The following CDH8 variants were observed in gnomAD, a reference collection of about 807,000 sequenced individuals.
The protein encoded by CDH8 is cadherin-8.
A neutral mutation model predicts 68.1 loss-of-function variants in CDH8; 17 were observed. The ratio of observed to expected loss-of-function variants is 0.25; its 90% confidence interval spans 0.17 to 0.37. The LOEUF is 0.37. Among genes scored for constraint, CDH8 ranks in the 10% least tolerant of loss-of-function variants. CDH8 has a pLI of 1.00. For missense variants in CDH8, 763 were observed against 999.3 expected (o/e 0.76, Z 3.19); for synonymous variants, 372 against 365.1 (o/e 1.02, Z -0.21).
rs34925928 is a variant in CDH8, at chr16:61,992,077, T to TGTGTGTGTGTGTGTGA, written c.252+29074_252+29075insTCACACACACACACAC. Among the ~76,000 whole-genome samples, 1,086 of 144,180 alleles carry TGTGTGTGTGTGTGTGA rather than the reference T, an allele frequency of 7.5e-3. 16 individuals are homozygous for TGTGTGTGTGTGTGTGA. Among genetic ancestry groups the TGTGTGTGTGTGTGTGA allele is most frequent in the South Asian group, 0.042 (183 of 4,324 alleles). The allele number at this position is 144,180 out of a possible 152,430, so 94.6% of individuals were successfully genotyped here. On this transcript the variant is annotated intron_variant, in intron 2 of 11. Transcript: ENST00000577390. The stretch of plus-strand genomic sequence containing the variant: ...GTGTGTGTGTGTGTGTGTGTGTGTG[T>TGTGTGTGTGTGTGTGA]GAGAGAGAGAGAGAGATTTTTACAG...
chr16:61,766,612 A>G (rs1233820025), intron 8 of CDH8, among the ~76,000 whole-genome samples: 2 of 151,878 alleles, frequency 1.3e-5, no homozygotes, highest in Non-Finnish European at 2.9e-5. Flanking sequence ...CCAGCAGTGT[A>G]TAAGCATTCC....
At chr16:61,951,091 AATCATCATCATC>A (rs144502941) in intron 2 of CDH8, among the ~76,000 whole-genome samples, 4 of 151,390 alleles carry the variant, frequency 2.6e-5, no homozygotes, top group Admixed American at 2.0e-4. Context: ...GATAACTAGT[AATCATCATCATC>A]ATCATCATCA....
chr16:61,982,258 C>T (rs113428809), intron 2 of CDH8, among the ~76,000 whole-genome samples: 293 of 152,098 alleles, frequency 1.9e-3, no homozygotes, highest in African/African-American at 6.7e-3. Context: ...CTCGCTCTAT[C>T]GCCCAGGCTG....
chr16:61,835,426 C>T (rs558560492), intron 4 of CDH8, among the ~76,000 whole-genome samples: 8 of 151,820 alleles, frequency 5.3e-5, no homozygotes, highest in Admixed American at 3.3e-4. Context: ...TATTATATCA[C>T]GTCTCTATAT....
intron 4 of CDH8, among the ~76,000 whole-genome samples, chr16:61,825,706 T>C (rs949047648): frequency 6.6e-6 from 1 of 151,880 alleles, no homozygotes; most frequent in Non-Finnish European, 1.5e-5. Flanking sequence ...AGAATTAATA[T>C]AGTCAAGTGT....
chr16:61,894,610 T>C (rs1000132679), intron 3 of CDH8, among the ~76,000 whole-genome samples: 9 of 152,146 alleles, frequency 5.9e-5, no homozygotes, highest in African/African-American at 2.2e-4. Context: ...TTCTCTAAGA[T>C]TAAATTTATT....
intron 2 of CDH8, among the ~76,000 whole-genome samples, chr16:61,928,173 G>A (rs765740913): frequency 6.6e-6 from 1 of 152,172 alleles, no homozygotes; most frequent in Non-Finnish European, 1.5e-5. Context: ...AAAACAAGTA[G>A]TCCCAACAAT....
At chr16:61,994,899 T>C (rs1456763553) in intron 2 of CDH8, among the ~76,000 whole-genome samples, 4 of 152,188 alleles carry the variant, frequency 2.6e-5, no homozygotes, top group Admixed American at 2.6e-4. Context: ...CAGCAAAATA[T>C]CACCACTGCT....
At chr16:61,957,221 A>G (rs1965002676) in intron 2 of CDH8, among the ~76,000 whole-genome samples, 1 of 152,110 alleles carries the variant, frequency 6.6e-6, no homozygotes, top group Non-Finnish European at 1.5e-5. Context: ...ATGCACGCAC[A>G]CCTTGAAAGG....
chr16:61,939,932 G>T (rs1002351079), intron 2 of CDH8, among the ~76,000 whole-genome samples: 2 of 152,144 alleles, frequency 1.3e-5, no homozygotes, highest in Non-Finnish European at 2.9e-5. Flanking sequence ...TCCAAGTGAA[G>T]GGGACAGGAT....
chr16:61,798,164 C>T (rs1961540814), intron 7 of CDH8, among the ~76,000 whole-genome samples: 1 of 152,080 alleles, frequency 6.6e-6, no homozygotes, highest in Admixed American at 6.6e-5. Flanking sequence ...TATGAGAATT[C>T]TAAATGTGAT....
chr16:61,778,426 G>T (rs780980306), intron 8 of CDH8, among the ~76,000 whole-genome samples: 7 of 152,010 alleles, frequency 4.6e-5, no homozygotes, highest in Non-Finnish European at 1.0e-4. Context: ...AAACATATTG[G>T]CTATGCAATG....
intron 7 of CDH8, among the ~76,000 whole-genome samples, chr16:61,808,568 C>T (rs1456269652): frequency 6.6e-6 from 1 of 152,112 alleles, no homozygotes; most frequent in Non-Finnish European, 1.5e-5. Context: ...TCCAAGGGCT[C>T]TAAGGCAATG....
intron 11 of CDH8, among the ~76,000 whole-genome samples, chr16:61,654,910 T>A (rs11864729): frequency 0.12 from 18,935 of 152,270 alleles, 1,211 homozygotes; most frequent in African/African-American, 0.15. Context: ...TGGACTTTTT[T>A]AATTAAAAGG....
intron 2 of CDH8, among the ~76,000 whole-genome samples, chr16:61,928,590 A>G (rs1567532431): frequency 6.6e-6 from 1 of 152,190 alleles, no homozygotes; most frequent in Non-Finnish European, 1.5e-5. Flanking sequence ...TGATTCTAAC[A>G]GTGGCCACTG....
intron 3 of CDH8, among the ~76,000 whole-genome samples, chr16:61,859,563 G>C (rs1391063044): frequency 4.6e-5 from 7 of 152,198 alleles, no homozygotes; most frequent in African/African-American, 1.7e-4. Flanking sequence ...ATTGGAAGTA[G>C]AGACACAGAT....
intron 2 of CDH8, among the ~76,000 whole-genome samples, chr16:61,950,378 T>C (rs1964874343): frequency 6.6e-6 from 1 of 152,176 alleles, no homozygotes; most frequent in Non-Finnish European, 1.5e-5. Context: ...TAGATTTTAC[T>C]CTATTTACCG....
At chr16:61,809,320 G>A (rs1303100735) in intron 7 of CDH8, among the ~76,000 whole-genome samples, 2 of 152,120 alleles carry the variant, frequency 1.3e-5, no homozygotes, top group East Asian at 3.9e-4. Flanking sequence ...CCTCTAGTAA[G>A]CTCTTTAGAA....
chr16:62,019,100 G>A (rs1902011953), intron 2 of CDH8, among the ~76,000 whole-genome samples: 3 of 152,134 alleles, frequency 2.0e-5, no homozygotes, highest in Admixed American at 1.3e-4. Context: ...AGAAAAGCAA[G>A]GAACAAAGCA....
Sources: gnomAD v4.1 joint callset for allele counts (sites outside exome capture counted in the v4.1 genomes callset) on GRCh38, gnomAD v4.1.1 for gene constraint, MANE v1.5 for transcripts, NCBI Gene and HGNC (gene_info 2026-07-23, HGNC 2026-07-21) for gene names.